Variants in RAD51D observed in about 807,000 individuals in gnomAD.
RAD51D encodes the protein RAD51 paralog D.
Under a neutral mutation model 44.1 loss-of-function variants are expected in RAD51D, and 38 were observed. The ratio of observed to expected loss-of-function variants is 0.86; its 90% CI spans 0.67 to 1.13. RAD51D has a LOEUF of 1.13. Ranked by LOEUF, RAD51D falls within the 50% of genes most tolerant of loss-of-function variation. The pLI, the probability that RAD51D is intolerant of heterozygous loss-of-function variation, is 0.00. For synonymous variants in RAD51D, 141 were observed against 166.6 expected, an observed-to-expected ratio of 0.85 and a Z score of 1.18; for missense variants, 390 against 414.0, an observed-to-expected ratio of 0.94 and a Z score of 0.50.
intron 2 of RAD51D, 69 bp downstream of exon 2, chr17:35,119,042 G>T: frequency 1.4e-6 from 2 of 1,456,164 alleles, no homozygotes; most frequent in South Asian, 1.1e-5. Flanking sequence ...GAGCCACCGC[G>T]CCCAGCTGGC....
rs1293605667 is a variant in RAD51D at position 35,093,047 on chromosome 17, T to G, written c.*7906A>C. ...CCTGCTAAGCATGGGGCTGTGTGAC[T>G]GCACTGGTCATACCACCATGTAGCT... On this transcript the variant is annotated 3_prime_UTR_variant, in exon 10 of 10. Coordinates refer to ENST00000345365, the MANE Select transcript of RAD51D (RefSeq NM_002878.4). 2 of 152,262 alleles carry G rather than the reference T, an allele frequency of 1.3e-5. No homozygotes were observed. Among genetic ancestry groups the G allele is most frequent in the Non-Finnish European group, 2.9e-5 (2 of 68,064 alleles). The allele number at this position is 152,262 out of a possible 1,614,324, so 9.4% of individuals were successfully genotyped here. A position where few individuals can be genotyped will look rare whatever the true frequency, so the allele number is the denominator to read the frequency against.
chr17:35,105,913 T>C (rs1421061274), intron 6 of RAD51D, among the ~76,000 whole-genome samples: 1 of 152,152 alleles, frequency 6.6e-6, no homozygotes, highest in Non-Finnish European at 1.5e-5. Context: ...GCCTTGAATA[T>C]GGATGTGGAT....
rs534075921 is a variant in RAD51D, at chr17:35,099,529, G to A, written c.*1424C>T. On this transcript the variant is annotated 3_prime_UTR_variant, in exon 10 of 10. Transcript: ENST00000345365. Reference sequence around the variant, plus strand: ...ATTTCTCCTGAGGTCTTCTGTGAAAGCAAGCGCTAGGATTCCCCCAGGCTT... The same window carrying A: ...ATTTCTCCTGAGGTCTTCTGTGAAAACAAGCGCTAGGATTCCCCCAGGCTT... 3.7e-6 allele frequency: 1 copy of A among 266,952 alleles called. No homozygotes were observed. The highest frequency in any genetic ancestry group is 7.4e-6 in the Non-Finnish European group (1 of 135,038). The allele number at this position is 266,952 out of a possible 1,614,324, so 16.5% of individuals were successfully genotyped here. A position where few individuals can be genotyped will look rare whatever the true frequency, so the allele number is the denominator to read the frequency against.
rs1247789525 is a variant in RAD51D, at chr17:35,092,929, T to C, written c.*8024A>G. ...TTCCTGGAGACAGAACTGGCTACAC[T>C]GTTTGCAAGAAACAGTGCAAAATAT... On this transcript the variant is annotated 3_prime_UTR_variant, in exon 10 of 10. Coordinates refer to ENST00000345365, the MANE Select transcript of RAD51D (RefSeq NM_002878.4). The C allele has an allele frequency of 6.6e-6, 1 of 152,230 alleles. No individual in the cohort carries two copies. Among genetic ancestry groups the C allele is most frequent in the African/African-American group, 2.4e-5 (1 of 41,448 alleles). The allele number at this position is 152,230 out of a possible 1,614,324, so 9.4% of individuals were successfully genotyped here.
chr17:35,106,418 GCA>G lies in RAD51D; in HGVS notation c.542_543del (p.Val181AlafsTer145). 1 of 1,613,320 alleles carries G rather than the reference GCA, an allele frequency of 6.2e-7. No homozygotes were observed. Among genetic ancestry groups the G allele is most frequent in the Non-Finnish European group, 8.5e-7 (1 of 1,179,680 alleles). On this transcript the variant is annotated frameshift_variant, in exon 6 of 10. Transcript: ENST00000345365. LOFTEE classifies it high-confidence loss of function. ...GCCACAGTGCCTCGGAGCTCCTGCAGCACATCCAGCATCTGGAAGATGTCAAA... is the reference window on the plus strand; with the variant it reads ...GCCACAGTGCCTCGGAGCTCCTGCAGCATCCAGCATCTGGAAGATGTCAAA... ...HAFDIFQMLD[V>X]LQELRGTVAQ...
At chr17:35,102,438 G>T (rs966148161) in intron 8 of RAD51D, among the ~76,000 whole-genome samples, 2 of 99,982 alleles carry the variant, frequency 2.0e-5, no homozygotes, top group Non-Finnish European at 3.7e-5. Flanking sequence ...AGCGCACCTG[G>T]CCTATTTTTT....
At position 35,119,191 on chromosome 17, in the gene RAD51D, T is replaced by A. The variant is rs1057523591; in HGVS notation, c.83-19A>T. On this transcript the variant is annotated intron_variant, in intron 1 of 9. Coordinates refer to ENST00000345365, the MANE Select transcript of RAD51D (RefSeq NM_002878.4). ...TCCACCACTGAAAACAAAACACGTA[T>A]AGCGGATTGGCAGAGAGGACTGGGG... 5 of 1,608,784 alleles carry A rather than the reference T, an allele frequency of 3.1e-6. No homozygotes were observed. The highest frequency in any genetic ancestry group is 2.2e-5 in the South Asian group (2 of 90,970).
chr17:35,097,219 A>C lies in RAD51D; in HGVS notation c.*3734T>G, dbSNP rs756375594. ...ACTGCAACCTCCATCTCCCAGGTTC[A>C]AGCGATTCTCATGCCTCAGCCTCCC... On this transcript the variant is annotated 3_prime_UTR_variant, in exon 10 of 10. Transcript: ENST00000345365. The C allele has an allele frequency of 6.6e-6, 1 of 152,174 alleles. No individual in the cohort carries two copies. The highest frequency in any genetic ancestry group is 6.6e-5 in the Admixed American group (1 of 15,258). 9.4% of individuals were successfully genotyped at this position (152,174 alleles called of 1,614,324 possible).
rs1031176070 is a variant in RAD51D at position 35,094,906 on chromosome 17, T to C, written c.*6047A>G. 6.6e-6 allele frequency: 1 copy of C among 152,188 alleles called. No individual in the cohort carries two copies. Among genetic ancestry groups the C allele is most frequent in the Non-Finnish European group, 1.5e-5 (1 of 68,050 alleles). The allele number at this position is 152,188 out of a possible 1,614,324, so 9.4% of individuals were successfully genotyped here. A position where few individuals can be genotyped will look rare whatever the true frequency, so the allele number is the denominator to read the frequency against. Reference sequence around the variant, plus strand: ...TCTTTGGTACTACCGTAAGTACTAGTGAGAGGCTGCCCACCCAGCATCCAG... The same window carrying C: ...TCTTTGGTACTACCGTAAGTACTAGCGAGAGGCTGCCCACCCAGCATCCAG... On this transcript the variant is annotated 3_prime_UTR_variant, in exon 10 of 10. Coordinates refer to ENST00000345365, the MANE Select transcript of RAD51D (RefSeq NM_002878.4).
In RAD51D at chr17:35,103,452, ACC is replaced by A; in HGVS notation, c.667_667+1del. 6.2e-7 allele frequency: 1 copy of A among 1,613,990 alleles called. No individual in the cohort carries two copies. The highest frequency in any genetic ancestry group is 8.5e-7 in the Non-Finnish European group (1 of 1,179,912). On this transcript the variant is annotated splice_donor_variant and coding_sequence_variant, in exon 7 of 10. Coordinates refer to ENST00000345365, the MANE Select transcript of RAD51D (RefSeq NM_002878.4). LOFTEE classifies it high-confidence loss of function. The surrounding 1 kb of genome is among the most constrained non-coding windows in gnomAD (Gnocchi z 4.1). ...GGCCCCAGGCTCTGCCACATCACTC[ACC>A]TTCCCTCTGCTGACCTCCCAGAAGT...
intron 3 of RAD51D, among the ~76,000 whole-genome samples, chr17:35,108,686 T>C (rs1050410485): frequency 2.0e-5 from 3 of 152,080 alleles, no homozygotes; most frequent in East Asian, 3.9e-4. Context: ...ATAATCAAGA[T>C]ACAGAACATT....
chr17:35,103,137 C>G lies in RAD51D; in HGVS notation c.738+117G>C. The G allele has an allele frequency of 1.1e-6, 1 of 934,806 alleles. No homozygotes were observed. Among genetic ancestry groups the G allele is most frequent in the Admixed American group, 2.0e-5 (1 of 50,078 alleles). 57.9% of individuals were successfully genotyped at this position (934,806 alleles called of 1,614,324 possible). A position where few individuals can be genotyped will look rare whatever the true frequency, so the allele number is the denominator to read the frequency against. On this transcript the variant is annotated intron_variant, in intron 8 of 9. Transcript: ENST00000345365. This position sits in a 1 kb window ranked among gnomAD's most constrained non-coding sequence, Gnocchi z 4.1. ...CAAAGCTGTAGCTGACCCAGGGAAG[C>G]TGGGATATGTCCCTTTCCTAAAGGG...
rs373975416 is a variant in RAD51D at position 35,106,395 on chromosome 17, C to A, written c.567G>T (p.Val189=). ...LDVLQELRGT[V]AQQVTGSSGT... ...AGAACAGCAGGCTCACCTGCTGGGC[C>A]ACAGTGCCTCGGAGCTCCTGCAGCA... Residue 189 remains valine (V), a synonymous_variant, in exon 6 of 10, where the codon GTG becomes GTT. Transcript: ENST00000345365. 1 of 1,613,026 alleles carries A rather than the reference C, an allele frequency of 6.2e-7. No homozygotes were observed. The highest frequency in any genetic ancestry group is 8.5e-7 in the Non-Finnish European group (1 of 1,179,502).
chr17:35,108,214 C>A (rs2091633188), intron 3 of RAD51D, among the ~76,000 whole-genome samples: 2 of 151,566 alleles, frequency 1.3e-5, no homozygotes, highest in African/African-American at 4.8e-5. Context: ...CACTGCACTC[C>A]AGCCTGGTGA....
intron 6 of RAD51D, among the ~76,000 whole-genome samples, chr17:35,104,284 A>T (rs571459387): frequency 1.3e-5 from 2 of 151,806 alleles, no homozygotes; most frequent in South Asian, 4.2e-4. Flanking sequence ...ACCACCCTCA[A>T]ATTCCTAACT....
intron 5 of RAD51D, 83 bp downstream of exon 5, chr17:35,106,905 T>C (rs2142431160): frequency 6.2e-7 from 1 of 1,604,558 alleles, no homozygotes; most frequent in Non-Finnish European, 8.5e-7. Context: ...GAATGACTAT[T>C]CAACCCAAAT....
chr17:35,105,337 C>A (rs1197489743), intron 6 of RAD51D, among the ~76,000 whole-genome samples: 4 of 152,080 alleles, frequency 2.6e-5, no homozygotes, highest in Non-Finnish European at 4.4e-5. Context: ...GCTGACCAGG[C>A]TAAGGTACAG....
rs1466033312 is a variant in RAD51D at position 35,093,439 on chromosome 17, G to C, written c.*7514C>G. 1 of 152,134 alleles carries C rather than the reference G, an allele frequency of 6.6e-6. No homozygotes were observed. The highest frequency in any genetic ancestry group is 2.4e-5 in the African/African-American group (1 of 41,406). 9.4% of individuals were successfully genotyped at this position (152,134 alleles called of 1,614,324 possible). A position where few individuals can be genotyped will look rare whatever the true frequency, so the allele number is the denominator to read the frequency against. On this transcript the variant is annotated 3_prime_UTR_variant, in exon 10 of 10. Coordinates refer to ENST00000345365, the MANE Select transcript of RAD51D (RefSeq NM_002878.4). ...AGGCTATTATACCAAAAACTATAGA[G>C]AGGCCAAGGAAGAGCAGAGATTCAA...
In RAD51D at chr17:35,098,963, G is replaced by A. The variant is rs1159363621; in HGVS notation, c.*1990C>T. On this transcript the variant is annotated 3_prime_UTR_variant, in exon 10 of 10. Transcript: ENST00000345365. Reference sequence around the variant, plus strand: ...GGTTCAAGCGATTCTCCTGCCTCAGGCTCCCAAGTAGCAGGGACCACAGGT... The same window carrying A: ...GGTTCAAGCGATTCTCCTGCCTCAGACTCCCAAGTAGCAGGGACCACAGGT... 6.6e-6 allele frequency: 1 copy of A among 152,118 alleles called. No homozygotes were observed. The highest frequency in any genetic ancestry group is 2.1e-4 in the South Asian group (1 of 4,832). 9.4% of individuals were successfully genotyped at this position (152,118 alleles called of 1,614,324 possible).
Sources: allele counts gnomAD v4.1 joint callset (sites outside exome capture counted in the v4.1 genomes callset), GRCh38; gene constraint gnomAD v4.1.1; non-coding constraint Gnocchi (gnomAD v3.1); transcripts MANE v1.5; gene names NCBI Gene and HGNC (gene_info 2026-07-23, HGNC 2026-07-21).